CEP128: variants seen among roughly 807,000 people sequenced by gnomAD.
CEP128 encodes centrosomal protein 128kDa.
CEP128 carries 132 observed loss-of-function variants against 156.7 expected under a neutral mutation model. The observed-to-expected ratio is 0.84, with a 90% CI of 0.73 to 0.97. The LOEUF (loss-of-function observed/expected upper bound fraction) is 0.97. Among genes scored for constraint, CEP128 ranks in the 50% least tolerant of loss-of-function variants. The pLI is 0.00. For synonymous variants in CEP128, 469 were observed against 448.9 expected (o/e 1.04, Z -0.57); for missense variants, 1,252 against 1,281.9 (o/e 0.98, Z 0.36).
chr14:80,815,079 CA>C (rs376343088), intron 13 of CEP128, among the ~76,000 whole-genome samples: 2 of 149,972 alleles, frequency 1.3e-5, no homozygotes, highest in African/African-American at 2.4e-5. Context: ...AAGAAACAAA[CA>C]AAAAAAAACT....
chr14:80,693,235 G>GT (rs1896777063), intron 19 of CEP128, among the ~76,000 whole-genome samples: 1 of 152,066 alleles, frequency 6.6e-6, no homozygotes, highest in South Asian at 2.1e-4. Flanking sequence ...GTTTCAACCT[G>GT]TTTTCAAGTC....
intron 9 of CEP128, among the ~76,000 whole-genome samples, chr14:80,851,053 A>T (rs535757108): frequency 6.6e-6 from 1 of 152,166 alleles, no homozygotes; most frequent in Non-Finnish European, 1.5e-5. Context: ...GTAGAGTAAC[A>T]CAAGGTATAA....
chr14:80,812,578 T>C (rs1595441411), intron 13 of CEP128, among the ~76,000 whole-genome samples: 1 of 148,500 alleles, frequency 6.7e-6, no homozygotes, highest in Admixed American at 6.6e-5. Context: ...GTTGTTGTTG[T>C]TTGTTTTTGA....
chr14:80,891,324 A>G (rs1889087791), intron 8 of CEP128, among the ~76,000 whole-genome samples: 1 of 152,158 alleles, frequency 6.6e-6, no homozygotes, highest in African/African-American at 2.4e-5. Context: ...TGACAGAAGA[A>G]TAAATAAAGA....
At chr14:80,747,764 A>C (rs1211357957) in intron 18 of CEP128, among the ~76,000 whole-genome samples, 2 of 152,100 alleles carry the variant, frequency 1.3e-5, no homozygotes. Flanking sequence ...CCAAAATCAC[A>C]CCATTGCGCT....
rs765987001 is a variant in CEP128 at position 80,862,780 on chromosome 14, G to C, written c.739C>G (p.Leu247Val). The change falls in exon 9 of 25, where the codon CTC becomes GTC. Residue 247 changes from leucine to valine, a missense_variant. Leu to Val is a conservative substitution (Grantham distance 32). Transcript: ENST00000555265. ...LVERRQDQLG[L>V]MSLQLQEALK... ...ACCTCCTGTAGCTGCAGGGACATGA[G>C]TCCCAGTTGATCCTGGCGTCTTTCC... 6.2e-7 allele frequency: 1 copy of C among 1,612,348 alleles called. No homozygotes were observed.
chr14:80,657,397 A>T (rs1042689068), intron 19 of CEP128, among the ~76,000 whole-genome samples: 10 of 152,248 alleles, frequency 6.6e-5, no homozygotes, highest in African/African-American at 2.2e-4. Flanking sequence ...CACGCTTGTA[A>T]TCCCAGCCCT....
intron 19 of CEP128, among the ~76,000 whole-genome samples, chr14:80,651,962 T>C (rs1894923970): frequency 6.6e-6 from 1 of 152,110 alleles, no homozygotes; most frequent in Non-Finnish European, 1.5e-5. Context: ...GTTCAAGTCC[T>C]GAATATCCCT....
chr14:80,678,090 A>C (rs929402888), intron 19 of CEP128, among the ~76,000 whole-genome samples: 5 of 149,002 alleles, frequency 3.4e-5, no homozygotes, highest in Admixed American at 6.8e-5. Flanking sequence ...TCAAGGAAAC[A>C]TGACACAGTA....
At chr14:80,866,516 G>C (rs1475059313) in intron 8 of CEP128, among the ~76,000 whole-genome samples, 1 of 152,084 alleles carries the variant, frequency 6.6e-6, no homozygotes, top group Non-Finnish European at 1.5e-5. Context: ...ACCAGCTCAG[G>C]CCATCTGCTG....
intron 18 of CEP128, among the ~76,000 whole-genome samples, 192 bp from the exon 19 acceptor site, chr14:80,743,459 G>A (rs1898938151): frequency 6.6e-6 from 1 of 152,108 alleles, no homozygotes; most frequent in African/African-American, 2.4e-5. Flanking sequence ...CAGAAATTAA[G>A]CCATGGTATT....
intron 20 of CEP128, among the ~76,000 whole-genome samples, chr14:80,579,727 T>C (rs139536888): frequency 6.6e-6 from 1 of 152,218 alleles, no homozygotes; most frequent in African/African-American, 2.4e-5. Flanking sequence ...CATGGGAATA[T>C]AACTGATTAT....
chr14:80,831,020 T>C (rs1372608788), intron 13 of CEP128, 123 bp downstream of exon 13: 6 of 835,056 alleles, frequency 7.2e-6, no homozygotes, highest in African/African-American at 6.9e-5. Flanking sequence ...AATATAACTT[T>C]ATATTATCAA....
At chr14:80,843,641 T>C (rs553677819) in intron 9 of CEP128, among the ~76,000 whole-genome samples, 6 of 152,096 alleles carry the variant, frequency 3.9e-5, no homozygotes, top group Admixed American at 1.3e-4. Flanking sequence ...AGTGAAAAAA[T>C]ATTTTAAGCT....
At chr14:80,628,144 A>C (rs969806157) in intron 19 of CEP128, among the ~76,000 whole-genome samples, 3 of 152,240 alleles carry the variant, frequency 2.0e-5, no homozygotes, top group Non-Finnish European at 4.4e-5. Context: ...CTCCAAAGGG[A>C]AATTTCTATT....
chr14:80,696,860 T>C (rs928491545), intron 19 of CEP128, among the ~76,000 whole-genome samples: 1 of 152,168 alleles, frequency 6.6e-6, no homozygotes, highest in African/African-American at 2.4e-5. Flanking sequence ...AATATAAAAT[T>C]CACAGAGCGT....
At chr14:80,886,466 G>A (rs940976607) in intron 8 of CEP128, among the ~76,000 whole-genome samples, 5 of 152,168 alleles carry the variant, frequency 3.3e-5, no homozygotes, top group Non-Finnish European at 5.9e-5. Flanking sequence ...GAGAGTGGGG[G>A]CCAATATTCA....
intron 24 of CEP128, among the ~76,000 whole-genome samples, chr14:80,501,339 G>A (rs938393471): frequency 1.3e-5 from 2 of 152,048 alleles, no homozygotes; most frequent in Admixed American, 6.6e-5. Context: ...CTTTATCTAC[G>A]AATGAAGGAT....
chr14:80,731,126 T>C (rs1454898414), intron 19 of CEP128, among the ~76,000 whole-genome samples: 2 of 152,210 alleles, frequency 1.3e-5, no homozygotes, highest in Non-Finnish European at 2.9e-5. Flanking sequence ...ACTTGATCTC[T>C]TTAAAAGTTC....
Sources: allele counts gnomAD v4.1 joint callset (sites outside exome capture counted in the v4.1 genomes callset), GRCh38; gene constraint gnomAD v4.1.1; transcripts MANE v1.5; gene names NCBI Gene and HGNC (gene_info 2026-07-23, HGNC 2026-07-21).